The following LMOD3 variants were observed in gnomAD, a reference collection of about 807,000 sequenced individuals.
LMOD3 encodes the protein leiomodin-3.
LMOD3 carries 31 observed loss-of-function variants against 41.8 expected under a neutral mutation model. The observed-to-expected ratio is 0.74, with a 90% CI of 0.56 to 1.00. The LOEUF is 1.00. Among genes scored for constraint, LMOD3 ranks in the 50% least tolerant of loss-of-function variants. The pLI is 0.00. For synonymous variants in LMOD3, 292 were observed against 241.9 expected (o/e 1.21, Z -1.92); for missense variants, 755 against 679.5 (o/e 1.11, Z -1.23).
chr3:69,120,117 A>G, intron 1 of LMOD3, 57 bp from the exon 2 acceptor site: 1 of 1,507,544 alleles, frequency 6.6e-7, no homozygotes, highest in Non-Finnish European at 8.8e-7. Flanking sequence ...TATGAAGTGG[A>G]GCATCAGCTA....
In LMOD3 at chr3:69,122,538, C is replaced by T; in HGVS notation, c.-152G>A. Reference sequence around the variant, plus strand: ...ATTTTTTTTTTTTTCCCAGGAACCTCAGTGGTTTGCTGAGCAGCTAGGAGT... The same window carrying T: ...ATTTTTTTTTTTTTCCCAGGAACCTTAGTGGTTTGCTGAGCAGCTAGGAGT... On this transcript the variant is annotated 5_prime_UTR_variant, in exon 1 of 3. Coordinates refer to ENST00000420581, the MANE Select transcript of LMOD3 (RefSeq NM_198271.5). 1 of 617,478 alleles carries T rather than the reference C, an allele frequency of 1.6e-6. No homozygotes were observed. Among genetic ancestry groups the T allele is most frequent in the Non-Finnish European group, 2.8e-6 (1 of 360,160 alleles). 38.2% of individuals were successfully genotyped at this position (617,478 alleles called of 1,614,324 possible).
Position 69,119,875 on chromosome 3 carries a change from T to A in LMOD3, c.480A>T (p.Glu160Asp). ...TTTCTTCACTCTCTTCACCATCATC[T>A]TCTCCTTCGTCGTCATCATCATCAT... Reference protein sequence around the residue: ...EEDDDDDDEGEDDGEESEETN... With the variant: ...EEDDDDDDEGDDDGEESEETN... Residue 160 changes from glutamate to aspartate, a missense_variant, in exon 2 of 3, where the codon GAA becomes GAT. By Grantham distance (45) the Glu-to-Asp change is conservative. Transcript: ENST00000420581. The A allele has an allele frequency of 6.4e-7, 1 of 1,553,650 alleles. No individual in the cohort carries two copies.
At chr3:69,114,218 T>C (rs1236699357) in intron 2 of LMOD3, among the ~76,000 whole-genome samples, 1 of 152,176 alleles carries the variant, frequency 6.6e-6, no homozygotes, top group Non-Finnish European at 1.5e-5. Context: ...CAAGTGGTGC[T>C]AGATATCTGG....
chr3:69,120,290 G>A (rs1371705204), intron 1 of LMOD3, among the ~76,000 whole-genome samples: 2 of 152,012 alleles, frequency 1.3e-5, no homozygotes, highest in Non-Finnish European at 2.9e-5. Flanking sequence ...CTTTTTAATG[G>A]TGTTTAATTT....
intron 1 of LMOD3, among the ~76,000 whole-genome samples, chr3:69,120,324 G>A (rs1161569351): frequency 6.6e-6 from 1 of 151,894 alleles, no homozygotes; most frequent in African/African-American, 2.4e-5. Flanking sequence ...AAATTGTTTT[G>A]AAAACCTCAT....
At chr3:69,118,629 G>A (rs2092388385) in intron 2 of LMOD3, 70 bp downstream of exon 2, 1 of 1,485,838 alleles carries the variant, frequency 6.7e-7, no homozygotes, top group East Asian at 2.4e-5. Context: ...TTAAAACAGA[G>A]AGGGAATAAA....
intron 1 of LMOD3, among the ~76,000 whole-genome samples, chr3:69,121,817 G>A (rs1325142640): frequency 6.6e-6 from 1 of 152,170 alleles, no homozygotes; most frequent in Non-Finnish European, 1.5e-5. Context: ...ACTAAGTATC[G>A]TGGCAATAGA....
rs778291725 is a variant in LMOD3, at chr3:69,120,064, C to T, written c.295-4G>A. ...CATGCTCTTCTTGAGTCTTTTCCTA[C>T]AAGAGAGGTTTATGAGGGTTAGAAT... On this transcript the variant is annotated splice_region_variant and splice_polypyrimidine_tract_variant and intron_variant, in intron 1 of 2. Transcript: ENST00000420581. 1.5e-5 allele frequency: 24 copies of T among 1,589,830 alleles called. No homozygotes were observed. The highest frequency in any genetic ancestry group is 2.0e-5 in the Non-Finnish European group (24 of 1,173,602).
chr3:69,111,325 T>TAC (rs1159924279), intron 2 of LMOD3, among the ~76,000 whole-genome samples: 1 of 152,196 alleles, frequency 6.6e-6, no homozygotes, highest in East Asian at 1.9e-4. Flanking sequence ...TCTGACCCTC[T>TAC]ACCTCCCTTG....
intron 2 of LMOD3, among the ~76,000 whole-genome samples, chr3:69,114,309 A>G (rs1007734454): frequency 7.2e-5 from 11 of 152,196 alleles, no homozygotes; most frequent in African/African-American, 2.7e-4. Flanking sequence ...CTCATGCTTT[A>G]CCAGATCTGA....
chr3:69,114,168 T>C (rs576624457), intron 2 of LMOD3, among the ~76,000 whole-genome samples: 94 of 152,156 alleles, frequency 6.2e-4, no homozygotes, highest in Non-Finnish European at 1.2e-3. Flanking sequence ...AAACAGCTAA[T>C]TTTTTCCATG....
In LMOD3 at chr3:69,107,494, T is replaced by TTTTTTG. The variant is rs1252768762; in HGVS notation, c.*1600_*1601insCAAAAA. The TTTTTTG allele has an allele frequency of 2.4e-5, 3 of 125,182 alleles. No homozygotes were observed. The highest frequency in any genetic ancestry group is 8.1e-5 in the Admixed American group (1 of 12,390). The allele number at this position is 125,182 out of a possible 1,614,324, so 7.8% of individuals were successfully genotyped here. On this transcript the variant is annotated 3_prime_UTR_variant, in exon 3 of 3. Transcript: ENST00000420581. ...TTTTTTTTTTTTTTTTTTTTTTTTT[T>TTTTTTG]GAGATGGAGTATCACTCTGTCACCC...
chr3:69,116,701 T>G (rs978769403), intron 2 of LMOD3, among the ~76,000 whole-genome samples: 1 of 152,200 alleles, frequency 6.6e-6, no homozygotes, highest in Non-Finnish European at 1.5e-5. Context: ...GTAAGCTCTG[T>G]GTGCGGTCGA....
chr3:69,109,836 T>A (rs1254357867), intron 2 of LMOD3, among the ~76,000 whole-genome samples: 1 of 152,030 alleles, frequency 6.6e-6, no homozygotes, highest in Non-Finnish European at 1.5e-5. Flanking sequence ...CACTTATTTT[T>A]AAAACAGTAT....
chr3:69,106,916 C>A lies in LMOD3; in HGVS notation c.*2179G>T, dbSNP rs1373783150. 1.5e-5 allele frequency: 2 copies of A among 130,118 alleles called. No homozygotes were observed. Among genetic ancestry groups the A allele is most frequent in the African/African-American group, 6.0e-5 (2 of 33,342 alleles). The allele number at this position is 130,118 out of a possible 1,614,324, so 8.1% of individuals were successfully genotyped here. On this transcript the variant is annotated 3_prime_UTR_variant, in exon 3 of 3. Transcript: ENST00000420581. ...AGAAATGGGGTTTCACCATGTTGGT[C>A]AGGCTGGTCTTGAACTCCTGACCTC...
In LMOD3 at chr3:69,119,124, T is replaced by C. The variant is rs1172866036; in HGVS notation, c.1231A>G (p.Lys411Glu). 8.1e-6 allele frequency: 13 copies of C among 1,613,846 alleles called. No homozygotes were observed. Among genetic ancestry groups the C allele is most frequent in the Non-Finnish European group, 1.1e-5 (13 of 1,179,868 alleles). The change falls in exon 2 of 3, where the codon AAG becomes GAG. Residue 411 changes from lysine (K) to glutamate (E), a missense_variant. Coordinates refer to ENST00000420581, the MANE Select transcript of LMOD3 (RefSeq NM_198271.5). ...ATGGCTATCAGCTTCTTCTGTTCCT[T>C]GAGTTGCTGCTGTTTTTGCTCTTCC... ...RQEEQKQQQL[K>E]EQKKLIAMLE...
rs567381809 is a variant in LMOD3 at position 69,107,402 on chromosome 3, G to A, written c.*1693C>T. 1.4e-3 allele frequency: 202 copies of A among 143,092 alleles called. No individual in the cohort carries two copies. The highest frequency in any genetic ancestry group is 4.9e-3 in the African/African-American group (188 of 38,724). The allele number at this position is 143,092 out of a possible 1,614,324, so 8.9% of individuals were successfully genotyped here. ...TATGATAACATAAAAGGAGAAAGAA[G>A]GCAGGTGCCAATTATTTACTCAGGT... On this transcript the variant is annotated 3_prime_UTR_variant, in exon 3 of 3. Transcript: ENST00000420581.
At chr3:69,109,143 A>T in intron 2 of LMOD3, 22 bp from the exon 3 acceptor site, 1 of 1,596,162 alleles carries the variant, frequency 6.3e-7, no homozygotes, top group Non-Finnish European at 8.5e-7. Context: ...GCATTTGAGG[A>T]AACGGGGGAA....
At chr3:69,118,395 GGTTA>G (rs1306309049) in intron 2 of LMOD3, among the ~76,000 whole-genome samples, 8 of 151,944 alleles carry the variant, frequency 5.3e-5, no homozygotes, top group Admixed American at 3.3e-4. Flanking sequence ...TAGCTTATAG[GGTTA>G]GTAAGATGAT....
Sources: gnomAD v4.1 joint callset for allele counts (sites outside exome capture counted in the v4.1 genomes callset) on GRCh38, gnomAD v4.1.1 for gene constraint, MANE v1.5 for transcripts, NCBI Gene and HGNC (gene_info 2026-07-23, HGNC 2026-07-21) for gene names.